SH2D4A: variants seen among roughly 807,000 people sequenced by gnomAD.
The protein encoded by SH2D4A is SH2 domain-containing protein 4A.
A neutral mutation model predicts 64.7 loss-of-function variants in SH2D4A; 70 were observed. The observed-to-expected ratio is 1.08, with a 90% CI of 0.89 to 1.32. The LOEUF (loss-of-function observed/expected upper bound fraction) is 1.32, where lower values mean the gene tolerates loss of function less well. SH2D4A is among the 40% of genes most tolerant of loss of function. The pLI is 0.00. For missense variants in SH2D4A, 706 were observed against 540.1 expected, an observed-to-expected ratio of 1.31 and a Z score of -3.04; for synonymous variants, 268 against 200.7, an observed-to-expected ratio of 1.34 and a Z score of -2.83.
chr8:19,357,853 G>A (rs1193027432), intron 5 of SH2D4A, among the ~76,000 whole-genome samples: 1 of 152,148 alleles, frequency 6.6e-6, no homozygotes, highest in Admixed American at 6.5e-5. Context: ...ACTGGTACTT[G>A]GAAGCTGTAG....
At chr8:19,348,269 T>A (rs1015246627) in intron 4 of SH2D4A, among the ~76,000 whole-genome samples, 1 of 152,146 alleles carries the variant, frequency 6.6e-6, no homozygotes, top group Non-Finnish European at 1.5e-5. Context: ...CTAATTTTTT[T>A]ATTCCTTGTA....
chr8:19,393,344 G>A lies in SH2D4A; in HGVS notation c.1075G>A (p.Glu359Lys). The A allele has an allele frequency of 2.5e-6, 4 of 1,614,192 alleles. No homozygotes were observed. The highest frequency in any genetic ancestry group is 2.5e-6 in the Non-Finnish European group (3 of 1,180,042). ...AATTCTCACACTCAAGAAAGCAAATGAACTTCTTCTGAGCACAGGCATGCC... is the reference window on the plus strand; with the variant it reads ...AATTCTCACACTCAAGAAAGCAAATAAACTTCTTCTGAGCACAGGCATGCC... ...HGILTLKKAN[E>K]LLLSTGMPGS... Residue 359 changes from glutamate (E) to lysine (K), a missense_variant, in exon 9 of 10, where the codon GAA becomes AAA. By Grantham distance (56) the Glu-to-Lys change is moderately conservative. Transcript: ENST00000265807.
Position 19,381,218 on chromosome 8 carries a change from T to C in SH2D4A, c.1048+7558T>C, listed in dbSNP as rs148858463. ...GCAACCACCACCATGCCTGGCTAAT[T>C]TTTGTATTTTTAGTAGAGACAGGAT... On this transcript the variant is annotated intron_variant, in intron 8 of 9. Coordinates refer to ENST00000265807, the MANE Select transcript of SH2D4A (RefSeq NM_022071.4). Among the ~76,000 whole-genome samples, 709 of 152,170 alleles carry C rather than the reference T, an allele frequency of 4.7e-3. 6 individuals are homozygous for C. The highest frequency in any genetic ancestry group is 0.016 in the African/African-American group (668 of 41,532).
chr8:19,327,141 G>T (rs2052294792), intron 2 of SH2D4A, among the ~76,000 whole-genome samples: 1 of 152,190 alleles, frequency 6.6e-6, no homozygotes, highest in Non-Finnish European at 1.5e-5. Flanking sequence ...TGGCAGTGTT[G>T]TTCTGAGCAG....
At chr8:19,369,020 T>A (rs958848503) in intron 7 of SH2D4A, among the ~76,000 whole-genome samples, 2 of 152,170 alleles carry the variant, frequency 1.3e-5, no homozygotes, top group African/African-American at 4.8e-5. Flanking sequence ...ACTTAATGTG[T>A]TTAAAGGTTT....
intron 5 of SH2D4A, 22 bp from the exon 6 acceptor site, chr8:19,361,160 GTTTTGTTTTGTTTTTGTTTTT>G (rs1563201096): frequency 2.4e-6 from 3 of 1,259,760 alleles, no homozygotes; most frequent in South Asian, 2.8e-5. Context: ...TTCTTTTTTT[GTTTTGTTTTGTTTTTGTTTTT>G]TTTTGTTTTG....
In SH2D4A at chr8:19,395,622, A is replaced by T. The variant is rs1473459408; in HGVS notation, c.*980A>T. The stretch of plus-strand genomic sequence containing the variant: ...ACACAAATGCAGTGGGAAGAAGACC[A>T]GGGGACAAGAGGCAAGTTGGAGTGA... On this transcript the variant is annotated 3_prime_UTR_variant, in exon 10 of 10. Transcript: ENST00000265807. 5 of 152,306 alleles carry T rather than the reference A, an allele frequency of 3.3e-5. No homozygotes were observed. Among genetic ancestry groups the T allele is most frequent in the African/African-American group, 1.2e-4 (5 of 41,450 alleles). The allele number at this position is 152,306 out of a possible 1,614,324, so 9.4% of individuals were successfully genotyped here.
rs186036712 is a variant in SH2D4A, at chr8:19,391,661, G to A, written c.1049-1657G>A. 1.1e-4 allele frequency among the ~76,000 whole-genome samples: 17 copies of A among 152,288 alleles called. No homozygotes were observed. The East Asian group carries it at 3.3e-3, about 29-fold the overall frequency. Reference sequence around the variant, plus strand: ...CCTGGGGTCTGTGTTCTCCTAAATAGGAAGCAGGAGAAGGTCTGGTTGGAT... The same window carrying A: ...CCTGGGGTCTGTGTTCTCCTAAATAAGAAGCAGGAGAAGGTCTGGTTGGAT... On this transcript the variant is annotated intron_variant, in intron 8 of 9. Transcript: ENST00000265807.
intron 2 of SH2D4A, among the ~76,000 whole-genome samples, chr8:19,328,340 T>A (rs564099187): frequency 3.3e-5 from 5 of 152,078 alleles, no homozygotes; most frequent in Non-Finnish European, 7.4e-5. Flanking sequence ...AATAACGTAG[T>A]CTACGCTTCC....
chr8:19,326,501 G>T (rs902819601), intron 2 of SH2D4A, among the ~76,000 whole-genome samples: 1 of 152,174 alleles, frequency 6.6e-6, no homozygotes, highest in Non-Finnish European at 1.5e-5. Context: ...AATATGGAAC[G>T]TTGCTACCAC....
chr8:19,334,584 C>T (rs142036530), intron 3 of SH2D4A, 102 bp from the exon 4 acceptor site: 1 of 1,282,286 alleles, frequency 7.8e-7, no homozygotes, highest in African/African-American at 1.5e-5. Context: ...TAAGTGGTGT[C>T]AGTTACTGTT....
At chr8:19,359,852 G>A (rs961315448) in intron 5 of SH2D4A, among the ~76,000 whole-genome samples, 1 of 152,234 alleles carries the variant, frequency 6.6e-6, no homozygotes, top group African/African-American at 2.4e-5. Flanking sequence ...ACGTTGTGGT[G>A]ACATAATAGC....
chr8:19,340,109 T>C (rs1052944160), intron 4 of SH2D4A, among the ~76,000 whole-genome samples: 17 of 152,112 alleles, frequency 1.1e-4, no homozygotes, highest in Non-Finnish European at 2.4e-4. Context: ...ACATGGCCCC[T>C]AGGGCTGGCA....
chr8:19,343,684 G>T (rs1235127623), intron 4 of SH2D4A, among the ~76,000 whole-genome samples: 1 of 152,136 alleles, frequency 6.6e-6, no homozygotes, highest in East Asian at 1.9e-4. Flanking sequence ...GGGCTTGTTG[G>T]GCTGCATCAG....
intron 8 of SH2D4A, among the ~76,000 whole-genome samples, chr8:19,389,243 A>G (rs1165131331): frequency 6.6e-6 from 1 of 152,096 alleles, no homozygotes; most frequent in Non-Finnish European, 1.5e-5. Flanking sequence ...TGTTTGAGTT[A>G]CTTCTGGGCT....
chr8:19,335,170 C>G (rs1315747843), intron 4 of SH2D4A, among the ~76,000 whole-genome samples: 1 of 152,062 alleles, frequency 6.6e-6, no homozygotes, highest in African/African-American at 2.4e-5. Context: ...CGCCTGCAGT[C>G]CCAGCTACTC....
At chr8:19,328,361 G>GTT (rs112908755) in intron 2 of SH2D4A, among the ~76,000 whole-genome samples, 1 of 146,982 alleles carries the variant, frequency 6.8e-6, no homozygotes, top group African/African-American at 2.5e-5. Flanking sequence ...AAAACAGCTT[G>GTT]TTTTTTTTTT....
intron 8 of SH2D4A, among the ~76,000 whole-genome samples, chr8:19,388,987 G>C (rs543255282): frequency 6.6e-6 from 1 of 152,280 alleles, no homozygotes; most frequent in Admixed American, 6.5e-5. Flanking sequence ...CACAGATGGA[G>C]GTAAGTACAG....
At position 19,393,430 on chromosome 8, in the gene SH2D4A, G is replaced by C. The variant is rs117786890; in HGVS notation, c.1161G>C (p.Ser387=). Residue 387 remains serine, a synonymous_variant, in exon 9 of 10, where the codon TCG becomes TCC. Coordinates refer to ENST00000265807, the MANE Select transcript of SH2D4A (RefSeq NM_022071.4). ...AAGGCTATGCCCTGTCCTATCTGTC[G>C]GAGGACGGCTGTAAACATTTCCTCA... is the stretch of plus-strand genomic sequence containing the variant. ...RIKGYALSYL[S]EDGCKHFLID... 9 of 1,614,192 alleles carry C rather than the reference G, an allele frequency of 5.6e-6. No individual in the cohort carries two copies. The East Asian group carries it at 1.1e-4, about 20-fold the overall frequency.
Sources: allele counts gnomAD v4.1 joint callset (sites outside exome capture counted in the v4.1 genomes callset), GRCh38; gene constraint gnomAD v4.1.1; transcripts MANE v1.5; gene names NCBI Gene and HGNC (gene_info 2026-07-23, HGNC 2026-07-21).